Variants in C10orf143 observed in about 807,000 individuals in gnomAD.
The protein encoded by C10orf143 is chromosome 10 open reading frame 143.
At chr10:130,101,608 T>C (rs1210536581) in intron 1 of C10orf143, among the ~76,000 whole-genome samples, 1 of 151,978 alleles carries the variant, frequency 6.6e-6, no homozygotes, top group African/African-American at 2.4e-5. Context: ...TGCTCATACC[T>C]GTAATCCCAG....
chr10:130,060,627 T>G (rs187869774), downstream of C10orf143, among the ~76,000 whole-genome samples: 1,473 of 147,132 alleles, frequency 0.01, 12 homozygotes, highest in Non-Finnish European at 0.014. Flanking sequence ...ATCGAGACCA[T>G]CCTGGCTAAC....
At chr10:130,047,516 C>T (rs556741553) in intron 3 of C10orf143, among the ~76,000 whole-genome samples, 1 of 152,298 alleles carries the variant, frequency 6.6e-6, no homozygotes, top group Admixed American at 6.5e-5. Context: ...CAGCTCTCAA[C>T]CTGCAGCCGC....
At chr10:130,071,288 A>G (rs1001306113) in intron 3 of C10orf143, among the ~76,000 whole-genome samples, 1 of 152,196 alleles carries the variant, frequency 6.6e-6, no homozygotes, top group East Asian at 1.9e-4. Flanking sequence ...TTACCCATGT[A>G]CATGGCTTCT....
chr10:130,041,828 CACACAT>C (rs1860610088), intron 3 of C10orf143, among the ~76,000 whole-genome samples: 3 of 151,866 alleles, frequency 2.0e-5, no homozygotes, highest in Admixed American at 1.3e-4. Flanking sequence ...CACACACACA[CACACAT>C]GCATGTACAC....
intron 3 of C10orf143, among the ~76,000 whole-genome samples, chr10:130,058,496 T>G (rs890578369): frequency 2.6e-5 from 4 of 151,916 alleles, no homozygotes; most frequent in Non-Finnish European, 4.4e-5. Flanking sequence ...AACAAAATCA[T>G]TATGAAATTG....
At chr10:130,099,510 TTTTATTTA>T (rs140538908) in intron 1 of C10orf143, among the ~76,000 whole-genome samples, 33,180 of 148,302 alleles carry the variant, frequency 0.22, 3,958 homozygotes, top group South Asian at 0.28. Context: ...CTTCTTTTAT[TTTTATTTA>T]TTTATTTATT....
At chr10:130,046,693 C>T (rs1860677756) in intron 3 of C10orf143, among the ~76,000 whole-genome samples, 1 of 152,232 alleles carries the variant, frequency 6.6e-6, no homozygotes, top group African/African-American at 2.4e-5. Flanking sequence ...CTCCGCGCTG[C>T]GGGCTGGGCG....
intron 3 of C10orf143, among the ~76,000 whole-genome samples, chr10:130,053,669 G>C (rs1860763040): frequency 6.6e-6 from 1 of 152,218 alleles, no homozygotes; most frequent in South Asian, 2.1e-4. Flanking sequence ...GCAGCCAAGA[G>C]GGCTCCTCGA....
chr10:130,088,087 A>G (rs1861321158), intron 1 of C10orf143, among the ~76,000 whole-genome samples: 1 of 152,234 alleles, frequency 6.6e-6, no homozygotes, highest in African/African-American at 2.4e-5. Context: ...GCAAATTAAC[A>G]TACCAAAGGA....
At chr10:130,086,478 CA>C (rs1671743708) in intron 1 of C10orf143, among the ~76,000 whole-genome samples, 1 of 152,184 alleles carries the variant, frequency 6.6e-6, no homozygotes, top group African/African-American at 2.4e-5. Flanking sequence ...GCAAATAATG[CA>C]GCCTTCTATG....
intron 3 of C10orf143, among the ~76,000 whole-genome samples, chr10:130,078,736 A>G (rs1011433513): frequency 6.6e-6 from 1 of 152,236 alleles, no homozygotes; most frequent in Non-Finnish European, 1.5e-5. Flanking sequence ...CGTAAAACAC[A>G]GTAGCTTACA....
chr10:130,083,477 T>C (rs540524781), intron 1 of C10orf143, among the ~76,000 whole-genome samples: 31 of 152,332 alleles, frequency 2.0e-4, no homozygotes, highest in African/African-American at 7.2e-4. Flanking sequence ...GTGCAATATA[T>C]TGGAAACAAC....
chr10:130,097,209 T>A (rs77110387), intron 1 of C10orf143, among the ~76,000 whole-genome samples: 2 of 152,040 alleles, frequency 1.3e-5, no homozygotes, highest in Non-Finnish European at 2.9e-5. Context: ...ATTTCCCCAA[T>A]GAAGATATAT....
chr10:130,106,128 A>C (rs764121060), intron 1 of C10orf143: 9 of 714,270 alleles, frequency 1.3e-5, no homozygotes, highest in Non-Finnish European at 2.2e-5. Flanking sequence ...GCGCTGCCTG[A>C]AAGTATGAGA....
chr10:130,086,792 G>T (rs978657148), intron 1 of C10orf143, among the ~76,000 whole-genome samples: 8 of 152,166 alleles, frequency 5.3e-5, no homozygotes, highest in Non-Finnish European at 1.2e-4. Context: ...AAGCAAACAG[G>T]CATGCATGAA....
intron 3 of C10orf143, among the ~76,000 whole-genome samples, chr10:130,075,162 C>T (rs1861095121): frequency 6.6e-6 from 1 of 152,146 alleles, no homozygotes; most frequent in African/African-American, 2.4e-5. Flanking sequence ...GCGGAGACTC[C>T]ATGGCACCAG....
At chr10:130,036,730 G>A (rs932536753) in intron 3 of C10orf143, among the ~76,000 whole-genome samples, 1 of 152,178 alleles carries the variant, frequency 6.6e-6, no homozygotes, top group Non-Finnish European at 1.5e-5. Flanking sequence ...ACAGCAGTGA[G>A]TCAGGCATGC....
At chr10:130,107,183 CTT>C (rs1454001626) in intron 1 of C10orf143, 1 of 1,489,678 alleles carries the variant, frequency 6.7e-7, no homozygotes, top group East Asian at 2.3e-5. Flanking sequence ...TCAACAGAAA[CTT>C]AAAGTAATGA....
intron 3 of C10orf143, among the ~76,000 whole-genome samples, chr10:130,043,179 C>T (rs773600724): frequency 4.6e-5 from 7 of 152,060 alleles, no homozygotes; most frequent in Non-Finnish European, 7.4e-5. Flanking sequence ...ACAATGCTGC[C>T]GTAAGTCTCA....
Sources: allele counts gnomAD v4.1 joint callset (sites outside exome capture counted in the v4.1 genomes callset), GRCh38; gene constraint gnomAD v4.1.1; transcripts MANE v1.5; gene names NCBI Gene and HGNC (gene_info 2026-07-23, HGNC 2026-07-21).